Variants in L3MBTL3 observed in about 807,000 individuals in gnomAD.
L3MBTL3 encodes the protein lethal(3)malignant brain tumor-like protein 3.
L3MBTL3 carries 27 observed loss-of-function variants against 102.3 expected under a neutral mutation model. That is an observed-to-expected ratio of 0.26 (90% CI 0.19 to 0.36). The LOEUF (loss-of-function observed/expected upper bound fraction) is 0.36, where lower values mean the gene tolerates loss of function less well. Ranked by LOEUF, L3MBTL3 falls within the 10% of genes least tolerant of loss-of-function variation. The pLI, the probability that L3MBTL3 is intolerant of heterozygous loss-of-function variation, is 1.00. For missense variants in L3MBTL3, 798 were observed against 955.3 expected (o/e 0.84, Z 2.17); for synonymous variants, 340 against 320.9 (o/e 1.06, Z -0.64).
At chr6:130,096,344 CAG>C (rs1347176756) in intron 18 of L3MBTL3, among the ~76,000 whole-genome samples, 1 of 152,170 alleles carries the variant, frequency 6.6e-6, no homozygotes, top group African/African-American at 2.4e-5. Context: ...CAAATAATAT[CAG>C]AACTTTGGCA....
chr6:130,112,624 A>T (rs963612065), intron 19 of L3MBTL3, among the ~76,000 whole-genome samples: 3 of 152,170 alleles, frequency 2.0e-5, no homozygotes, highest in African/African-American at 7.2e-5. Flanking sequence ...CCAGAGAGGG[A>T]TGCAGCGGGC....
chr6:130,037,269 A>G (rs2114635963), intron 2 of L3MBTL3, among the ~76,000 whole-genome samples: 2 of 152,278 alleles, frequency 1.3e-5, no homozygotes, highest in Middle Eastern at 6.8e-3. Context: ...AATTTCACTA[A>G]ATTTCCTTAA....
At chr6:130,048,461 A>G (rs893870807) in intron 3 of L3MBTL3, among the ~76,000 whole-genome samples, 6 of 149,004 alleles carry the variant, frequency 4.0e-5, no homozygotes, top group African/African-American at 1.6e-4. Context: ...TAAGCCTTCA[A>G]CACACACACA....
Position 130,086,668 on chromosome 6 carries a change from A to C in L3MBTL3, c.1518+418A>C, listed in dbSNP as rs576188469. ...AGGCCAAGTAAAGATAAATAATTTC[A>C]TGAATAAAATCAGATTTTAATTAGA... On this transcript the variant is annotated intron_variant, in intron 16 of 22. Transcript: ENST00000361794. 3.2e-4 allele frequency among the ~76,000 whole-genome samples: 49 copies of C among 152,344 alleles called. 1 individual carries two copies. Among genetic ancestry groups the C allele is most frequent in the African/African-American group, 1.2e-3 (48 of 41,590 alleles).
intron 19 of L3MBTL3, among the ~76,000 whole-genome samples, chr6:130,109,141 A>G (rs1785189286): frequency 6.6e-6 from 1 of 152,176 alleles, no homozygotes; most frequent in Non-Finnish European, 1.5e-5. Context: ...AGTCTTTGCT[A>G]TTGTAAATAG....
At chr6:130,037,421 C>T (rs1252121401) in intron 2 of L3MBTL3, among the ~76,000 whole-genome samples, 1 of 151,462 alleles carries the variant, frequency 6.6e-6, no homozygotes, top group African/African-American at 2.4e-5. Flanking sequence ...GCTCTACTGT[C>T]TATCAAAAAA....
intron 6 of L3MBTL3, among the ~76,000 whole-genome samples, chr6:130,051,935 G>C (rs984276029): frequency 6.6e-6 from 1 of 152,118 alleles, no homozygotes; most frequent in Non-Finnish European, 1.5e-5. Context: ...AGCTGTAACT[G>C]GTAGTGGTGT....
Position 130,071,104 on chromosome 6 carries a change from C to G in L3MBTL3, c.1221C>G (p.Asn407Lys). 10 of 1,612,758 alleles carry G rather than the reference C, an allele frequency of 6.2e-6. No individual in the cohort carries two copies. Among genetic ancestry groups the G allele is most frequent in the Non-Finnish European group, 8.5e-6 (10 of 1,179,212 alleles). The change falls in exon 13 of 23, where the codon AAC becomes AAG. Residue 407 changes from asparagine to lysine, a missense_variant. By Grantham distance (94) the Asn-to-Lys change is moderately conservative. This residue lies in a region of L3MBTL3 where 434 missense variants were observed against 506.6 expected (regional missense o/e 0.86). Transcript: ENST00000361794. ...VDNRFLVHFD[N>K]WDESYDYWCE... is the part of the protein sequence containing the mutation. The stretch of plus-strand genomic sequence containing the variant: ...ATCGTTTCCTGGTACATTTTGACAA[C>G]TGGGATGAGAGCTATGACTATTGGT...
intron 22 of L3MBTL3, chr6:130,137,950 G>A (rs1419952075): frequency 6.6e-6 from 1 of 152,156 alleles, no homozygotes; most frequent in Non-Finnish European, 1.5e-5. Context: ...CATACCTGCC[G>A]CTTAACGGTG....
At chr6:130,054,953 C>G (rs1334923389) in intron 7 of L3MBTL3, 1 of 484,334 alleles carries the variant, frequency 2.1e-6, no homozygotes, top group African/African-American at 2.0e-5. Context: ...GTGTCCATGC[C>G]CTTCCAACCG....
chr6:130,097,154 C>T (rs554641835), intron 18 of L3MBTL3, among the ~76,000 whole-genome samples: 9 of 152,146 alleles, frequency 5.9e-5, no homozygotes, highest in Admixed American at 1.3e-4. Context: ...TTTTTCTGGC[C>T]GGGTATTAAT....
chr6:130,080,609 G>A (rs1473535325), intron 14 of L3MBTL3, among the ~76,000 whole-genome samples: 1 of 152,116 alleles, frequency 6.6e-6, no homozygotes, highest in East Asian at 1.9e-4. Flanking sequence ...TTAACATGAG[G>A]CAAAGAACCA....
At chr6:130,074,622 T>C (rs1004071087) in intron 13 of L3MBTL3, among the ~76,000 whole-genome samples, 2 of 152,204 alleles carry the variant, frequency 1.3e-5, no homozygotes, top group African/African-American at 4.8e-5. Flanking sequence ...AAGAGAACAG[T>C]CACCTCTTTT....
intron 8 of L3MBTL3, among the ~76,000 whole-genome samples, chr6:130,056,058 G>A (rs995313330): frequency 4.6e-5 from 7 of 151,998 alleles, no homozygotes; most frequent in Non-Finnish European, 7.4e-5. Context: ...CTCCCAAGTA[G>A]CTGGGATTAC....
At chr6:130,019,068 G>T (rs1000015997) in intron 1 of L3MBTL3, among the ~76,000 whole-genome samples, 10 of 151,946 alleles carry the variant, frequency 6.6e-5, no homozygotes, top group African/African-American at 2.4e-4. Flanking sequence ...GGTGTGGGGG[G>T]CCGTGCGGAA....
chr6:130,041,541 G>A (rs1030528572), intron 2 of L3MBTL3, among the ~76,000 whole-genome samples: 4 of 152,142 alleles, frequency 2.6e-5, no homozygotes, highest in African/African-American at 9.7e-5. Context: ...GGTGATCAAT[G>A]AGGTGTTCTT....
chr6:130,078,436 G>T, intron 13 of L3MBTL3, 122 bp from the exon 14 acceptor site: 1 of 609,546 alleles, frequency 1.6e-6, no homozygotes, highest in South Asian at 2.6e-5. Flanking sequence ...TTCCAAATTA[G>T]ATTGATTGTA....
At chr6:130,120,846 CT>C (rs1786111714) in intron 19 of L3MBTL3, 32 bp from the exon 20 acceptor site, 1 of 1,531,716 alleles carries the variant, frequency 6.5e-7, no homozygotes, top group Admixed American at 1.7e-5. Flanking sequence ...AAATGTTTCT[CT>C]TATAAAATAT....
At chr6:130,063,959 T>G (rs12206570) in intron 10 of L3MBTL3, among the ~76,000 whole-genome samples, 71,782 of 152,076 alleles carry the variant, frequency 0.47, 19,610 homozygotes, top group East Asian at 0.76. Context: ...AAAAGTGTTG[T>G]CAGTCTGTGC....
Sources: allele counts gnomAD v4.1 joint callset (sites outside exome capture counted in the v4.1 genomes callset), GRCh38; gene constraint gnomAD v4.1.1; regional missense constraint gnomAD v4.1.1; transcripts MANE v1.5; gene names NCBI Gene and HGNC (gene_info 2026-07-23, HGNC 2026-07-21).